The following SMYD3 variants were observed in gnomAD, a reference collection of about 807,000 sequenced individuals.
SMYD3 encodes the protein histone-lysine N-methyltransferase SMYD3.
Under a neutral mutation model 57.7 loss-of-function variants are expected in SMYD3, and 36 were observed. The observed-to-expected ratio is 0.62, with a 90% CI of 0.48 to 0.82. SMYD3 has a LOEUF of 0.82. Among genes scored for constraint, SMYD3 ranks in the 40% least tolerant of loss-of-function variants. The pLI, the probability that SMYD3 is intolerant of heterozygous loss-of-function variation, is 0.00. For synonymous variants in SMYD3, 211 were observed against 195.0 expected, an observed-to-expected ratio of 1.08 and a Z score of -0.68; for missense variants, 515 against 538.8, an observed-to-expected ratio of 0.96 and a Z score of 0.44.
intron 5 of SMYD3, among the ~76,000 whole-genome samples, chr1:246,101,063 GGTTTTTTGTTTT>G (rs2061001037): frequency 1.2e-4 from 11 of 92,954 alleles, no homozygotes; most frequent in South Asian, 3.8e-4. Context: ...TATTTTTAGG[GGTTTTTTGTTTT>G]TTTTTTTTTT....
chr1:246,280,004 C>G (rs145229631), intron 5 of SMYD3, among the ~76,000 whole-genome samples: 1 of 152,066 alleles, frequency 6.6e-6, no homozygotes, highest in Non-Finnish European at 1.5e-5. Flanking sequence ...TTAGCACACA[C>G]GATGTTCTTA....
At chr1:246,430,578 C>A (rs2067281856) in intron 1 of SMYD3, among the ~76,000 whole-genome samples, 1 of 152,030 alleles carries the variant, frequency 6.6e-6, no homozygotes, top group Non-Finnish European at 1.5e-5. Flanking sequence ...GAGAAGAATC[C>A]CTAACGAGTT....
chr1:246,086,120 G>A (rs1055912322), intron 5 of SMYD3, among the ~76,000 whole-genome samples: 1 of 151,820 alleles, frequency 6.6e-6, no homozygotes, highest in Non-Finnish European at 1.5e-5. Context: ...TATTAAGAAT[G>A]CCCTCTTTGG....
At chr1:246,040,570 C>T (rs1482531053) in intron 5 of SMYD3, among the ~76,000 whole-genome samples, 3 of 152,182 alleles carry the variant, frequency 2.0e-5, no homozygotes, top group Admixed American at 6.5e-5. Flanking sequence ...TTAAGTTTAG[C>T]CACGTGGGGA....
At chr1:246,018,873 A>C (rs996131891) in intron 5 of SMYD3, among the ~76,000 whole-genome samples, 11 of 151,842 alleles carry the variant, frequency 7.2e-5, no homozygotes, top group Non-Finnish European at 1.5e-4. Flanking sequence ...CAAAGCACTG[A>C]GATTACAGGC....
intron 10 of SMYD3, among the ~76,000 whole-genome samples, chr1:245,847,608 C>T (rs563562128): frequency 2.6e-4 from 40 of 152,166 alleles, no homozygotes; most frequent in African/African-American, 9.4e-4. Flanking sequence ...TTCTCTTCCA[C>T]GAGGTGAGAA....
chr1:246,226,853 G>C (rs1327248027), intron 5 of SMYD3, among the ~76,000 whole-genome samples: 1 of 152,160 alleles, frequency 6.6e-6, no homozygotes, highest in Non-Finnish European at 1.5e-5. Context: ...AAAACCAAAA[G>C]TGTTTAATAA....
intron 1 of SMYD3, among the ~76,000 whole-genome samples, chr1:246,485,852 T>A (rs2068179668): frequency 6.6e-6 from 1 of 152,142 alleles, no homozygotes; most frequent in Non-Finnish European, 1.5e-5. Flanking sequence ...ATTAGCTACA[T>A]AATTTGAGCA....
At chr1:246,461,956 G>A (rs994643211) in intron 1 of SMYD3, among the ~76,000 whole-genome samples, 5 of 151,968 alleles carry the variant, frequency 3.3e-5, no homozygotes, top group Non-Finnish European at 5.9e-5. Context: ...AGGAACAAAC[G>A]TATAAACCAA....
rs2062948559 is a variant in SMYD3, at chr1:246,203,332, T to C, written c.531+123869A>G. Among the ~76,000 whole-genome samples, 2 of 152,098 alleles carry C rather than the reference T, an allele frequency of 1.3e-5. No individual in the cohort carries two copies. The highest frequency in any genetic ancestry group is 1.3e-4 in the Admixed American group (2 of 15,268). On this transcript the variant is annotated intron_variant, in intron 5 of 11. Coordinates refer to ENST00000490107, the MANE Select transcript of SMYD3 (RefSeq NM_001167740.2). This position sits in a 1 kb window ranked among gnomAD's most constrained non-coding sequence, Gnocchi z 4.6. The stretch of plus-strand genomic sequence containing the variant: ...TTTGTTCAGCCACCATCAGACACAA[T>C]CTCTGCTCCATCAATTCTCTCCCGC...
chr1:246,126,796 T>C (rs1428650279), intron 5 of SMYD3, among the ~76,000 whole-genome samples: 1 of 152,224 alleles, frequency 6.6e-6, no homozygotes, highest in East Asian at 1.9e-4. Context: ...GATGACATCA[T>C]TTTATCTCCA....
At chr1:245,756,682 T>G (rs1284877548) in intron 11 of SMYD3, among the ~76,000 whole-genome samples, 1 of 152,088 alleles carries the variant, frequency 6.6e-6, no homozygotes, top group Non-Finnish European at 1.5e-5. Context: ...TTTCAGTACT[T>G]GAAAAAAATA....
At chr1:246,064,616 T>C (rs6669550) in intron 5 of SMYD3, among the ~76,000 whole-genome samples, 37,544 of 151,956 alleles carry the variant, frequency 0.25, 6,613 homozygotes, top group African/African-American at 0.48. Flanking sequence ...TATTGATCTA[T>C]CCCCTATACT....
chr1:246,158,264 G>A (rs1279008528), intron 5 of SMYD3, among the ~76,000 whole-genome samples: 3 of 152,188 alleles, frequency 2.0e-5, no homozygotes, highest in Non-Finnish European at 2.9e-5. Flanking sequence ...TGTAATTGAT[G>A]TATCTGACAC....
Position 246,272,796 on chromosome 1 carries a change from C to T in SMYD3, c.531+54405G>A, listed in dbSNP as rs557730984. 2.6e-5 allele frequency among the ~76,000 whole-genome samples: 4 copies of T among 152,222 alleles called. No individual in the cohort carries two copies. The East Asian group carries it at 7.7e-4, about 29-fold the overall frequency. ...TTTGGTAACAGGGTAATGTTGGCCT[C>T]ATAATAAAAGCATTAGGAAGTATTT... On this transcript the variant is annotated intron_variant, in intron 5 of 11. Coordinates refer to ENST00000490107, the MANE Select transcript of SMYD3 (RefSeq NM_001167740.2).
At position 245,858,820 on chromosome 1, in the gene SMYD3, G is replaced by C. The variant is rs186315955; in HGVS notation, c.902-150C>G. 5.4e-5 allele frequency: 41 copies of C among 752,458 alleles called. No homozygotes were observed. In the East Asian group the frequency reaches 9.9e-4, roughly 18 times the overall value. 46.6% of individuals were successfully genotyped at this position (752,458 alleles called of 1,614,324 possible). A position where few individuals can be genotyped will look rare whatever the true frequency, so the allele number is the denominator to read the frequency against. On this transcript the variant is annotated intron_variant, in intron 9 of 11. Transcript: ENST00000490107. ...AGATGAGCTGCCTGAAAACACACTT[G>C]AGAAGCAAAAGCACAGAAGAGGCAT...
rs183490761 is a variant in SMYD3, at chr1:246,120,445, A to G, written c.532-190508T>C. Among the ~76,000 whole-genome samples the G allele has an allele frequency of 2.0e-3, 302 of 152,142 alleles. 2 individuals carry two copies. Among genetic ancestry groups the G allele is most frequent in the African/African-American group, 7.1e-3 (294 of 41,524 alleles). On this transcript the variant is annotated intron_variant, in intron 5 of 11. Coordinates refer to ENST00000490107, the MANE Select transcript of SMYD3 (RefSeq NM_001167740.2). ...CCTAAACTCAAGGGTCGCTTCCCGTATAGTTTTTGCTGGGCCTCTCTTCTC... is the reference window on the plus strand; with the variant it reads ...CCTAAACTCAAGGGTCGCTTCCCGTGTAGTTTTTGCTGGGCCTCTCTTCTC...
At chr1:245,756,117 C>T (rs1363661646) in intron 11 of SMYD3, among the ~76,000 whole-genome samples, 1 of 147,834 alleles carries the variant, frequency 6.8e-6, no homozygotes, top group Non-Finnish European at 1.5e-5. Flanking sequence ...TATATATATA[C>T]ACACACATAT....
chr1:245,847,046 G>A (rs1363281236), intron 10 of SMYD3, among the ~76,000 whole-genome samples: 1 of 152,148 alleles, frequency 6.6e-6, no homozygotes, highest in African/African-American at 2.4e-5. Context: ...CAAAGGCTAT[G>A]GCTGGCCACC....
Sources: allele counts gnomAD v4.1 joint callset (sites outside exome capture counted in the v4.1 genomes callset), GRCh38; gene constraint gnomAD v4.1.1; non-coding constraint Gnocchi (gnomAD v3.1); transcripts MANE v1.5; gene names NCBI Gene and HGNC (gene_info 2026-07-23, HGNC 2026-07-21).